Variants in HS6ST3 observed in about 807,000 individuals in gnomAD.
HS6ST3 encodes heparan sulfate 6-O-sulfotransferase 3, also known as heparan-sulfate 6-O-sulfotransferase 3.
A neutral mutation model predicts 36.7 loss-of-function variants in HS6ST3; 12 were observed. That is an observed-to-expected ratio of 0.33 (90% CI 0.21 to 0.53). The LOEUF is 0.53. Ranked by LOEUF, HS6ST3 falls within the 20% of genes least tolerant of loss-of-function variation. HS6ST3 has a pLI of 0.95. For synonymous variants in HS6ST3, 240 were observed against 257.5 expected, an observed-to-expected ratio of 0.93 and a Z score of 0.65; for missense variants, 584 against 640.9, an observed-to-expected ratio of 0.91 and a Z score of 0.96.
At chr13:96,614,324 A>AAAAAAAT (rs1566411768) in intron 1 of HS6ST3, among the ~76,000 whole-genome samples, 1 of 123,688 alleles carries the variant, frequency 8.1e-6, no homozygotes, top group Non-Finnish European at 1.7e-5. Context: ...AAAAAAAAAA[A>AAAAAAAT]AAAACAGTTA....
At chr13:96,334,201 A>T (rs1216274072) in intron 1 of HS6ST3, among the ~76,000 whole-genome samples, 1 of 152,216 alleles carries the variant, frequency 6.6e-6, no homozygotes, top group Non-Finnish European at 1.5e-5. Flanking sequence ...GTTCATGCCA[A>T]GTCTCGTGTT....
intron 1 of HS6ST3, among the ~76,000 whole-genome samples, chr13:96,391,235 T>C: frequency 6.6e-6 from 1 of 152,222 alleles, no homozygotes; most frequent in South Asian, 2.1e-4. Context: ...AGTTTAGAGA[T>C]GTATTGTTTT....
intron 1 of HS6ST3, among the ~76,000 whole-genome samples, chr13:96,749,215 A>G (rs547769361): frequency 2.8e-4 from 43 of 152,260 alleles, no homozygotes; most frequent in Admixed American, 1.8e-3. Context: ...TTTGCCATAA[A>G]GTGATAATTT....
intron 1 of HS6ST3, among the ~76,000 whole-genome samples, chr13:96,459,911 G>A (rs7995242): frequency 0.16 from 24,283 of 152,170 alleles, 1,998 homozygotes; most frequent in Middle Eastern, 0.23. Context: ...GAAAGTTGTA[G>A]GAGTGATGTA....
chr13:96,674,687 T>C (rs2056693379), intron 1 of HS6ST3, among the ~76,000 whole-genome samples: 1 of 152,144 alleles, frequency 6.6e-6, no homozygotes, highest in Non-Finnish European at 1.5e-5. Flanking sequence ...CTTATTCAGC[T>C]GGGGGATGCT....
chr13:96,546,934 C>G (rs2056200165), intron 1 of HS6ST3, among the ~76,000 whole-genome samples: 2 of 152,188 alleles, frequency 1.3e-5, no homozygotes, highest in Non-Finnish European at 2.9e-5. Flanking sequence ...CTATGCACCT[C>G]TTGTATTTAC....
chr13:96,557,098 C>T (rs2056243910), intron 1 of HS6ST3, among the ~76,000 whole-genome samples: 1 of 152,190 alleles, frequency 6.6e-6, no homozygotes, highest in Non-Finnish European at 1.5e-5. Flanking sequence ...GCCAGTCCAG[C>T]TGTTCATCAG....
intron 1 of HS6ST3, among the ~76,000 whole-genome samples, chr13:96,246,468 G>C (rs2054585366): frequency 6.6e-6 from 1 of 152,166 alleles, no homozygotes; most frequent in Non-Finnish European, 1.5e-5. Context: ...TTTTCACTCT[G>C]GTCTGGGGAC....
chr13:96,688,926 G>A (rs776072118), intron 1 of HS6ST3, among the ~76,000 whole-genome samples: 1 of 151,944 alleles, frequency 6.6e-6, no homozygotes, highest in Non-Finnish European at 1.5e-5. Context: ...CTGAAATCCT[G>A]TCCTCCCAGA....
chr13:96,536,713 G>A (rs1245055891), intron 1 of HS6ST3, among the ~76,000 whole-genome samples: 1 of 152,134 alleles, frequency 6.6e-6, no homozygotes, highest in African/African-American at 2.4e-5. Context: ...CCATTTTTCA[G>A]GATAATCTGA....
intron 1 of HS6ST3, among the ~76,000 whole-genome samples, chr13:96,351,065 T>C (rs2055180366): frequency 6.6e-6 from 1 of 152,176 alleles, no homozygotes; most frequent in African/African-American, 2.4e-5. Context: ...TTTTTATCTA[T>C]TTCTGTAGTT....
intron 1 of HS6ST3, among the ~76,000 whole-genome samples, chr13:96,355,620 T>TA: frequency 6.6e-6 from 1 of 152,182 alleles, no homozygotes; most frequent in Non-Finnish European, 1.5e-5. Context: ...ATTTTAATGC[T>TA]AAAAAATGAT....
At chr13:96,321,151 T>C (rs2055001121) in intron 1 of HS6ST3, among the ~76,000 whole-genome samples, 2 of 152,134 alleles carry the variant, frequency 1.3e-5, no homozygotes, top group Admixed American at 6.5e-5. Context: ...TTAAGGTTGC[T>C]TCTTTCAGCT....
chr13:96,831,378 A>G (rs1878776688), intron 1 of HS6ST3, among the ~76,000 whole-genome samples: 1 of 152,244 alleles, frequency 6.6e-6, no homozygotes, highest in Non-Finnish European at 1.5e-5. Context: ...ACAGGAAAGC[A>G]TGGGAGCTTT....
intron 1 of HS6ST3, among the ~76,000 whole-genome samples, chr13:96,344,839 C>T (rs904916843): frequency 2.0e-5 from 3 of 152,162 alleles, no homozygotes; most frequent in Admixed American, 6.5e-5. Context: ...TATACGAATG[C>T]CTGTTTTGCT....
chr13:96,553,319 T>C (rs185919662), intron 1 of HS6ST3, among the ~76,000 whole-genome samples: 17 of 152,312 alleles, frequency 1.1e-4, no homozygotes, highest in Non-Finnish European at 1.6e-4. Context: ...CAGTGGTCAA[T>C]GAGTCAGAGT....
intron 1 of HS6ST3, among the ~76,000 whole-genome samples, chr13:96,656,989 G>A (rs1478197671): frequency 7.1e-6 from 1 of 140,866 alleles, no homozygotes; most frequent in Admixed American, 7.4e-5. Context: ...GTGTGTGTGT[G>A]TGTGTGTGTG....
intron 1 of HS6ST3, among the ~76,000 whole-genome samples, chr13:96,195,943 T>C (rs2054310775): frequency 6.6e-6 from 1 of 152,176 alleles, no homozygotes; most frequent in African/African-American, 2.4e-5. Flanking sequence ...AATGTTAGTT[T>C]AAAACATTTT....
intron 1 of HS6ST3, among the ~76,000 whole-genome samples, chr13:96,308,210 C>T (rs779387182): frequency 3.3e-5 from 5 of 152,016 alleles, no homozygotes; most frequent in Admixed American, 6.5e-5. Flanking sequence ...TTAGACATTA[C>T]GTTAAAAGGA....
Sources: allele counts gnomAD v4.1 joint callset (sites outside exome capture counted in the v4.1 genomes callset), GRCh38; gene constraint gnomAD v4.1.1; transcripts MANE v1.5; gene names NCBI Gene and HGNC (gene_info 2026-07-23, HGNC 2026-07-21).